PCDHAC2: variants seen among roughly 807,000 people sequenced by gnomAD.
PCDHAC2 encodes protocadherin alpha-C2.
In PCDHAC2, 24 loss-of-function variants were observed where a neutral mutation model predicts 63.3. The ratio of observed to expected loss-of-function variants is 0.38; its 90% CI spans 0.27 to 0.53. The LOEUF is 0.53. Among genes scored for constraint, PCDHAC2 ranks in the 20% least tolerant of loss-of-function variants. The probability of loss-of-function intolerance (pLI) is 0.81; values close to 1 mark genes in which losing one functional copy is unlikely to be tolerated. For missense variants in PCDHAC2, 1,181 were observed against 1,275.2 expected, an observed-to-expected ratio of 0.93 and a Z score of 1.12; for synonymous variants, 569 against 529.4, an observed-to-expected ratio of 1.07 and a Z score of -1.03.
Position 140,966,822 on chromosome 5 carries a change from C to A in PCDHAC2, c.56C>A (p.Pro19His), listed in dbSNP as rs1329460642. 9 of 1,558,948 alleles carry A rather than the reference C, an allele frequency of 5.8e-6. No individual in the cohort carries two copies. In the Admixed American group the frequency reaches 7.5e-5, roughly 13 times the overall value. Residue 19 changes from proline to histidine, a missense_variant, in exon 1 of 4, where the codon CCC becomes CAC. Around this residue, in one of 3 missense-constraint regions of PCDHAC2, gnomAD observed 210 missense variants for 184.9 expected, o/e 1.14. Transcript: ENST00000289269. ...AATEHPRLRRPMPWLLLLPLL... is the reference protein window; with the variant it reads ...AATEHPRLRRHMPWLLLLPLL... ...ACAGAGCATCCACGGCTCCGGCGGC[C>A]CATGCCCTGGCTGCTGCTACTGCCT... is the stretch of plus-strand genomic sequence containing the variant.
intron 3 of PCDHAC2, among the ~76,000 whole-genome samples, chr5:140,999,095 G>C (rs1554256620): frequency 6.6e-6 from 1 of 152,202 alleles, no homozygotes; most frequent in African/African-American, 2.4e-5. Flanking sequence ...GAGGGCTATG[G>C]AGAGTAACCT....
intron 3 of PCDHAC2, among the ~76,000 whole-genome samples, chr5:140,984,822 AC>A (rs1398539032): frequency 6.6e-6 from 1 of 152,126 alleles, no homozygotes; most frequent in Non-Finnish European, 1.5e-5. Flanking sequence ...TTTCTTAATT[AC>A]CCTTTCTGTA....
chr5:141,007,524 C>T (rs2098334216), intron 3 of PCDHAC2, among the ~76,000 whole-genome samples: 1 of 151,984 alleles, frequency 6.6e-6, no homozygotes, highest in African/African-American at 2.4e-5. Context: ...GCTGATATCT[C>T]GCCACTGCAC....
At position 140,967,018 on chromosome 5, in the gene PCDHAC2, G is replaced by T; in HGVS notation, c.252G>T (p.Ala84=). ...GCTTGCGCATCAACCATCTGGGTGCGCCCAGTCCGCGCTACCTGGAGCTGG... is the reference window on the plus strand; with the variant it reads ...GCTTGCGCATCAACCATCTGGGTGCTCCCAGTCCGCGCTACCTGGAGCTGG... ...PGCLRINHLG[A]PSPRYLELDL... Residue 84 remains alanine, a synonymous_variant, in exon 1 of 4, where the codon GCG becomes GCT. Coordinates refer to ENST00000289269, the MANE Select transcript of PCDHAC2 (RefSeq NM_018899.6). The T allele has an allele frequency of 6.2e-7, 1 of 1,607,168 alleles. No individual in the cohort carries two copies. Among genetic ancestry groups the T allele is most frequent in the Non-Finnish European group, 8.5e-7 (1 of 1,177,662 alleles).
At chr5:140,973,208 C>T (rs2096576751) in intron 1 of PCDHAC2, among the ~76,000 whole-genome samples, 1 of 152,170 alleles carries the variant, frequency 6.6e-6, no homozygotes, top group African/African-American at 2.4e-5. Flanking sequence ...TGCATATTCA[C>T]CCTAATTCCA....
chr5:140,977,464 T>C (rs1245985019), intron 1 of PCDHAC2, among the ~76,000 whole-genome samples: 1 of 152,256 alleles, frequency 6.6e-6, no homozygotes, highest in Non-Finnish European at 1.5e-5. Flanking sequence ...TGATTTGGTC[T>C]GTAGATAATT....
intron 1 of PCDHAC2, among the ~76,000 whole-genome samples, chr5:140,977,826 T>C (rs1554238818): frequency 1.3e-5 from 2 of 152,208 alleles, no homozygotes; most frequent in Admixed American, 6.5e-5. Flanking sequence ...TTTTGAATGG[T>C]CTATTGATAT....
chr5:140,991,981 T>C (rs2097483028), intron 3 of PCDHAC2, among the ~76,000 whole-genome samples: 1 of 152,008 alleles, frequency 6.6e-6, no homozygotes, highest in South Asian at 2.1e-4. Flanking sequence ...TTATTCTGCC[T>C]ACCACCCGGT....
chr5:141,010,225 C>T lies in PCDHAC2; in HGVS notation c.*288C>T. The T allele has an allele frequency of 6.4e-7, 1 of 1,551,848 alleles. No homozygotes were observed. The highest frequency in any genetic ancestry group is 8.7e-7 in the Non-Finnish European group (1 of 1,147,026). The stretch of plus-strand genomic sequence containing the variant: ...CCGCCGCAAAGGAGAGGCTTCCCAG[C>T]CCCGCCAGTGAGAGGTTGGACTCTC... On this transcript the variant is annotated 3_prime_UTR_variant, in exon 4 of 4. Coordinates refer to ENST00000289269, the MANE Select transcript of PCDHAC2 (RefSeq NM_018899.6).
rs1554231477 is a variant in PCDHAC2, at chr5:140,969,117, A to C, written c.2351A>C (p.Asn784Thr). 6.2e-7 allele frequency: 1 copy of C among 1,614,178 alleles called. No individual in the cohort carries two copies. Among genetic ancestry groups the C allele is most frequent in the Admixed American group, 1.7e-5 (1 of 60,026 alleles). The part of the protein sequence containing the change: ...VQPHFIEVRG[N>T]GSLTKTYCYK... ...CCTCACTTCATTGAAGTTCGAGGGA[A>C]TGGCTCCCTCACCAAGACCTACTGC... The change falls in exon 1 of 4, where the codon AAT becomes ACT. Residue 784 changes from asparagine to threonine, a missense_variant. Around this residue, in one of 3 missense-constraint regions of PCDHAC2, gnomAD observed 968 missense variants for 1,073.5 expected, o/e 0.90. Transcript: ENST00000289269.
At chr5:140,977,813 C>T (rs1347788650) in intron 1 of PCDHAC2, among the ~76,000 whole-genome samples, 1 of 152,192 alleles carries the variant, frequency 6.6e-6, no homozygotes, top group Non-Finnish European at 1.5e-5. Flanking sequence ...GAATTATTGA[C>T]AGTTTTGAAT....
chr5:140,971,500 TAGG>T (rs2096483491), intron 1 of PCDHAC2, among the ~76,000 whole-genome samples: 2 of 152,136 alleles, frequency 1.3e-5, no homozygotes, highest in Admixed American at 1.3e-4. Flanking sequence ...TGTGGCAAGA[TAGG>T]AGCAAAAGCC....
chr5:141,006,351 A>G (rs537027677), intron 3 of PCDHAC2, among the ~76,000 whole-genome samples: 1 of 151,966 alleles, frequency 6.6e-6, no homozygotes, highest in Non-Finnish European at 1.5e-5. Flanking sequence ...AGCTGGGACT[A>G]TAGGCGCCCA....
intron 1 of PCDHAC2, among the ~76,000 whole-genome samples, chr5:140,972,168 G>T (rs969968770): frequency 2.6e-5 from 4 of 152,064 alleles, no homozygotes; most frequent in African/African-American, 9.7e-5. Context: ...TTGAGACAGA[G>T]TCTTGGCCTG....
chr5:140,993,256 A>C lies in PCDHAC2; in HGVS notation c.2713+10693A>C, dbSNP rs1419636248. Among the ~76,000 whole-genome samples, 3 of 152,148 alleles carry C rather than the reference A, an allele frequency of 2.0e-5. No homozygotes were observed. In the East Asian group the frequency reaches 5.8e-4, roughly 29 times the overall value. On this transcript the variant is annotated intron_variant, in intron 3 of 3. Coordinates refer to ENST00000289269, the MANE Select transcript of PCDHAC2 (RefSeq NM_018899.6). The stretch of plus-strand genomic sequence containing the variant: ...CTGAATCTGGGGATTTAGATATATA[A>C]ATTAGCTTCTTTGGTCTTTTCTTGC...
At chr5:140,971,370 G>C (rs2096473492) in intron 1 of PCDHAC2, among the ~76,000 whole-genome samples, 3 of 152,194 alleles carry the variant, frequency 2.0e-5, no homozygotes, top group African/African-American at 7.2e-5. Flanking sequence ...CCAGGAGAGT[G>C]CATGACTTTA....
chr5:140,976,770 C>T (rs2096730456), intron 1 of PCDHAC2, among the ~76,000 whole-genome samples: 1 of 152,162 alleles, frequency 6.6e-6, no homozygotes, highest in Non-Finnish European at 1.5e-5. Flanking sequence ...GCCTGCTAGA[C>T]TCTGACTATA....
intron 3 of PCDHAC2, among the ~76,000 whole-genome samples, chr5:141,005,586 C>T (rs1428172819): frequency 6.6e-6 from 1 of 150,712 alleles, no homozygotes; most frequent in Non-Finnish European, 1.5e-5. Flanking sequence ...CCTGTAGTCC[C>T]AGCTACACAG....
chr5:140,994,558 A>G (rs1414971844), intron 3 of PCDHAC2, among the ~76,000 whole-genome samples: 4 of 151,948 alleles, frequency 2.6e-5, no homozygotes, highest in Non-Finnish European at 5.9e-5. Context: ...TATAAAAATT[A>G]GCCGGGTGTG....
Sources: allele counts gnomAD v4.1 joint callset (sites outside exome capture counted in the v4.1 genomes callset), GRCh38; gene constraint gnomAD v4.1.1; regional missense constraint gnomAD v4.1.1; transcripts MANE v1.5; gene names NCBI Gene and HGNC (gene_info 2026-07-23, HGNC 2026-07-21).